VPS13B: variants seen among roughly 807,000 people sequenced by gnomAD.
VPS13B encodes intermembrane lipid transfer protein VPS13B.
Under a neutral mutation model 426.4 loss-of-function variants are expected in VPS13B, and 285 were observed. The ratio of observed to expected loss-of-function variants is 0.67; its 90% confidence interval spans 0.61 to 0.74. The LOEUF (loss-of-function observed/expected upper bound fraction) is 0.74. Ranked by LOEUF, VPS13B falls within the 30% of genes least tolerant of loss-of-function variation. The probability of loss-of-function intolerance (pLI) is 0.00; values close to 1 mark genes in which losing one functional copy is unlikely to be tolerated. For missense variants in VPS13B, 4,537 were observed against 4,782.6 expected (o/e 0.95, Z 1.51); for synonymous variants, 1,676 against 1,676.4 (o/e 1.00, Z 0.01).
intron 39 of VPS13B, among the ~76,000 whole-genome samples, chr8:99,722,656 G>A (rs1231959180): frequency 5.9e-5 from 9 of 152,044 alleles, no homozygotes; most frequent in African/African-American, 1.2e-4. Flanking sequence ...ACAGGTGTCC[G>A]CCACCATGCC....
chr8:99,547,325 A>G (rs1824038058), intron 30 of VPS13B, among the ~76,000 whole-genome samples: 1 of 147,834 alleles, frequency 6.8e-6, no homozygotes, highest in South Asian at 2.1e-4. Flanking sequence ...CAATTATTAT[A>G]TCCCCTGTCC....
intron 21 of VPS13B, among the ~76,000 whole-genome samples, chr8:99,431,046 T>C (rs1307318847): frequency 1.3e-5 from 2 of 152,214 alleles, no homozygotes; most frequent in Non-Finnish European, 2.9e-5. Context: ...TGAGAGATTT[T>C]ATTGGTAAGT....
At chr8:99,746,425 A>G (rs1009031298) in intron 39 of VPS13B, among the ~76,000 whole-genome samples, 1 of 152,106 alleles carries the variant, frequency 6.6e-6, no homozygotes, top group Non-Finnish European at 1.5e-5. Context: ...GTTTGTCAGC[A>G]ATTTCCCCAA....
intron 19 of VPS13B, among the ~76,000 whole-genome samples, chr8:99,325,099 T>G (rs1362543372): frequency 6.6e-6 from 1 of 152,174 alleles, no homozygotes; most frequent in Non-Finnish European, 1.5e-5. Context: ...TTAAAAGGTC[T>G]TAAAATTCTT....
chr8:99,244,254 C>G (rs1187833709), intron 17 of VPS13B, among the ~76,000 whole-genome samples: 1 of 152,090 alleles, frequency 6.6e-6, no homozygotes, highest in Non-Finnish European at 1.5e-5. Context: ...TGTTTTCTTA[C>G]AAATTAAGCC....
At chr8:99,839,168 C>T (rs1241598204) in intron 54 of VPS13B, among the ~76,000 whole-genome samples, 1 of 152,196 alleles carries the variant, frequency 6.6e-6, no homozygotes, top group African/African-American at 2.4e-5. Context: ...GGTAAATTCC[C>T]TTCTGAAAAG....
At chr8:99,340,608 T>C in intron 19 of VPS13B, 2 of 440,988 alleles carry the variant, frequency 4.5e-6, no homozygotes, top group Non-Finnish European at 8.9e-6. Context: ...TTTATTTAAT[T>C]AGTTCTTTTC....
rs727504219 is a variant in VPS13B at position 99,819,998 on chromosome 8, T to A, written c.8870T>A (p.Leu2957Ter). ...TGGAAGCCATATGTTAGAACTTTGT[T>A]GATAGAACTTCTGCCCTGGGCCCTG... Reference protein sequence around the residue: ...SIWKPYVRTLLIELLPWALLI... With the variant: ...SIWKPYVRTL Residue 2957 changes from leucine to a stop codon, truncating the protein, a stop_gained, in exon 49 of 62, where the codon TTG becomes TAG. Coordinates refer to ENST00000357162, the MANE Select transcript of VPS13B (RefSeq NM_152564.5). LOFTEE classifies it high-confidence loss of function. 7 of 1,614,050 alleles carry A rather than the reference T, an allele frequency of 4.3e-6. No individual in the cohort carries two copies. The highest frequency in any genetic ancestry group is 5.9e-6 in the Non-Finnish European group (7 of 1,179,926).
intron 35 of VPS13B, among the ~76,000 whole-genome samples, chr8:99,681,418 C>T (rs1831150080): frequency 6.6e-6 from 1 of 152,206 alleles, no homozygotes; most frequent in Non-Finnish European, 1.5e-5. Flanking sequence ...TCTATGTGGT[C>T]CAGTCCCTCC....
At chr8:99,602,614 G>T (rs1827362940) in intron 33 of VPS13B, among the ~76,000 whole-genome samples, 1 of 152,182 alleles carries the variant, frequency 6.6e-6, no homozygotes, top group Non-Finnish European at 1.5e-5. Flanking sequence ...CAGATGACAT[G>T]ATTGTATATT....
intron 35 of VPS13B, among the ~76,000 whole-genome samples, chr8:99,688,043 G>A (rs1831491585): frequency 6.6e-6 from 1 of 151,304 alleles, no homozygotes; most frequent in Admixed American, 6.6e-5. Flanking sequence ...ACAAGGCCTA[G>A]TGATATAACA....
intron 19 of VPS13B, among the ~76,000 whole-genome samples, chr8:99,350,602 A>G (rs1356601485): frequency 1.3e-5 from 2 of 152,208 alleles, no homozygotes; most frequent in African/African-American, 2.4e-5. Flanking sequence ...TAAAGTTAAC[A>G]TGGGTTTCTG....
chr8:99,290,545 A>AT (rs1241977864), intron 19 of VPS13B, among the ~76,000 whole-genome samples: 56 of 152,092 alleles, frequency 3.7e-4, no homozygotes, highest in African/African-American at 1.3e-3. Context: ...TAGGAGATAT[A>AT]CCTAATGTAA....
chr8:99,093,739 A>G (rs997491675), intron 3 of VPS13B, among the ~76,000 whole-genome samples: 1 of 152,056 alleles, frequency 6.6e-6, no homozygotes, highest in Non-Finnish European at 1.5e-5. Flanking sequence ...ATAGTATTCC[A>G]TGGTGTATAT....
Position 99,809,452 on chromosome 8 carries a change from T to C in VPS13B, c.8019T>C (p.Phe2673=), listed in dbSNP as rs1813587269. Residue 2673 remains phenylalanine (F), a synonymous_variant, in exon 44 of 62, where the codon TTT becomes TTC. Transcript: ENST00000357162. ...TCAGTGTGGACCATGCCGGGACTTT[T>C]ATTAGAACAATTCAGTACAGGGGTC... The part of the protein sequence containing the change: ...EPFSVDHAGT[F]IRTIQYRGRT... 6.2e-7 allele frequency: 1 copy of C among 1,613,944 alleles called. No homozygotes were observed. The highest frequency in any genetic ancestry group is 1.3e-5 in the African/African-American group (1 of 74,932).
rs538020783 is a variant in VPS13B at position 99,427,815 on chromosome 8, G to A, written c.3083-3722G>A. On this transcript the variant is annotated intron_variant, in intron 21 of 61. Transcript: ENST00000357162. ...AAAGTTCATATGGAACCAAAAAAGA[G>A]CCCGCATTGCCAAGTCAATCCTAAG... is the stretch of plus-strand genomic sequence containing the variant. Among the ~76,000 whole-genome samples, 1,168 of 152,040 alleles carry A rather than the reference G, an allele frequency of 7.7e-3. 9 individuals are homozygous for A. Among genetic ancestry groups the A allele is most frequent in the Middle Eastern group, 0.014 (4 of 292 alleles).
At chr8:99,130,101 T>C (rs958394840) in intron 8 of VPS13B, among the ~76,000 whole-genome samples, 4 of 152,236 alleles carry the variant, frequency 2.6e-5, no homozygotes, top group Non-Finnish European at 1.5e-5. Flanking sequence ...GCAGTATTTG[T>C]CAATAGTTAA....
chr8:99,029,514 G>T (rs1309520754), intron 2 of VPS13B, among the ~76,000 whole-genome samples: 1 of 152,136 alleles, frequency 6.6e-6, no homozygotes, highest in Non-Finnish European at 1.5e-5. Context: ...GACTCCGTCT[G>T]CAATCCCGGC....
At chr8:99,329,785 A>G (rs1390673899) in intron 19 of VPS13B, among the ~76,000 whole-genome samples, 2 of 152,088 alleles carry the variant, frequency 1.3e-5, no homozygotes, top group African/African-American at 2.4e-5. Context: ...AGACTGCAAC[A>G]TAGTGAATCT....
Sources: allele counts gnomAD v4.1 joint callset (sites outside exome capture counted in the v4.1 genomes callset), GRCh38; gene constraint gnomAD v4.1.1; transcripts MANE v1.5; gene names NCBI Gene and HGNC (gene_info 2026-07-23, HGNC 2026-07-21).